SMAD3: variants seen among roughly 807,000 people sequenced by gnomAD.
SMAD3 encodes SMAD family member 3.
In SMAD3, 12 loss-of-function variants were observed where a neutral mutation model predicts 51.8. The ratio of observed to expected loss-of-function variants is 0.23; its 90% CI spans 0.15 to 0.38. The LOEUF (loss-of-function observed/expected upper bound fraction) is 0.38, where lower values mean the gene tolerates loss of function less well. Among genes scored for constraint, SMAD3 ranks in the 10% least tolerant of loss-of-function variants. The probability of loss-of-function intolerance (pLI) is 1.00; values close to 1 mark genes in which losing one functional copy is unlikely to be tolerated. For missense variants in SMAD3, 294 were observed against 565.6 expected (o/e 0.52, Z 4.87); for synonymous variants, 238 against 227.7 (o/e 1.05, Z -0.41).
intron 1 of SMAD3, among the ~76,000 whole-genome samples, chr15:67,074,193 A>G (rs1461351768): frequency 1.3e-5 from 2 of 152,246 alleles, no homozygotes; most frequent in Admixed American, 1.3e-4. Context: ...GTGAAATTTA[A>G]CTACAAAGGA....
chr15:67,119,997 G>A (rs986703776), intron 1 of SMAD3, among the ~76,000 whole-genome samples: 9 of 152,236 alleles, frequency 5.9e-5, no homozygotes, highest in Admixed American at 3.3e-4. Flanking sequence ...GGGTTTCACC[G>A]TGTTGCCCAG....
intron 8 of SMAD3, 27 bp downstream of exon 8, chr15:67,187,536 G>A: frequency 6.2e-7 from 1 of 1,613,954 alleles, no homozygotes; most frequent in Non-Finnish European, 8.5e-7. Context: ...GCCTACATCA[G>A]GGGACCCAAC....
intron 1 of SMAD3, among the ~76,000 whole-genome samples, chr15:67,157,976 C>A (rs1040016222): frequency 1.3e-5 from 2 of 152,102 alleles, no homozygotes; most frequent in African/African-American, 2.4e-5. Flanking sequence ...CATCAGGAAG[C>A]CAGTGGGTGT....
intron 1 of SMAD3, among the ~76,000 whole-genome samples, chr15:67,081,196 C>T (rs1301370515): frequency 6.6e-6 from 1 of 152,134 alleles, no homozygotes; most frequent in East Asian, 1.9e-4. Flanking sequence ...CACAGACACG[C>T]GGAGGCATGT....
chr15:67,122,347 C>G (rs944536707), intron 1 of SMAD3, among the ~76,000 whole-genome samples: 1 of 152,126 alleles, frequency 6.6e-6, no homozygotes, highest in East Asian at 1.9e-4. Flanking sequence ...CCCCCCAGAC[C>G]CTGTCAGCTG....
intron 5 of SMAD3, among the ~76,000 whole-genome samples, chr15:67,172,358 G>A (rs905198920): frequency 1.3e-5 from 2 of 152,212 alleles, no homozygotes; most frequent in Admixed American, 1.3e-4. Flanking sequence ...GATGTGAATC[G>A]GGGGCGAGTC....
intron 4 of SMAD3, 102 bp from the exon 5 acceptor site, chr15:67,170,452 T>C: frequency 1.0e-6 from 1 of 954,118 alleles, no homozygotes; most frequent in Non-Finnish European, 1.7e-6. Context: ...GTTTTCTTTC[T>C]GCTGTGTTGG....
chr15:67,153,327 A>G (rs368228183), intron 1 of SMAD3, among the ~76,000 whole-genome samples: 60 of 152,236 alleles, frequency 3.9e-4, no homozygotes, highest in African/African-American at 1.4e-3. Context: ...CCCCGTCTCT[A>G]CTAAACATGC....
At chr15:67,121,437 C>A (rs1401850365) in intron 1 of SMAD3, among the ~76,000 whole-genome samples, 8 of 152,146 alleles carry the variant, frequency 5.3e-5, no homozygotes, top group African/African-American at 1.7e-4. Context: ...GCACTCCGTT[C>A]TGGGTGGGCA....
rs769683236 is a variant in SMAD3 at position 67,184,734 on chromosome 15, C to T, written c.879C>T (p.Gly293=). The change falls in exon 7 of 9, where the codon GGC becomes GGT. Residue 293 remains glycine (G), a synonymous_variant. Transcript: ENST00000327367. ...TAACCTGAATCTCTGTAGGAAGAGG[C>T]GTGCGGCTCTACTACATCGGAGGGG... The part of the protein sequence containing the change: ...VELTRRHIGR[G]VRLYYIGGEV... The T allele has an allele frequency of 5.1e-5, 83 of 1,613,952 alleles. No homozygotes were observed. The highest frequency in any genetic ancestry group is 6.7e-5 in the Non-Finnish European group (79 of 1,180,038).
chr15:67,117,930 C>CA (rs1961172149), intron 1 of SMAD3, among the ~76,000 whole-genome samples: 1 of 152,006 alleles, frequency 6.6e-6, no homozygotes, highest in Non-Finnish European at 1.5e-5. Context: ...CGTCTCTGCC[C>CA]AAAATACAAA....
At chr15:67,170,694 G>T in intron 5 of SMAD3, 90 bp downstream of exon 5, 1 of 1,134,696 alleles carries the variant, frequency 8.8e-7, no homozygotes. Context: ...TGAAGGTAAG[G>T]CTCTCCCCCG....
intron 1 of SMAD3, among the ~76,000 whole-genome samples, chr15:67,084,450 A>G (rs1960347097): frequency 1.3e-5 from 2 of 152,124 alleles, no homozygotes; most frequent in Non-Finnish European, 1.5e-5. Flanking sequence ...TTCTCAATGC[A>G]TATATTTTCC....
intron 1 of SMAD3, among the ~76,000 whole-genome samples, chr15:67,100,104 C>A (rs1429133233): frequency 6.6e-6 from 1 of 150,676 alleles, no homozygotes; most frequent in Non-Finnish European, 1.5e-5. Context: ...TTGCTTGAAC[C>A]CAGGAGGCAG....
At position 67,099,592 on chromosome 15, in the gene SMAD3, T is replaced by C. The variant is rs1227603953; in HGVS notation, c.206+33232T>C. Among the ~76,000 whole-genome samples, 7 of 152,188 alleles carry C rather than the reference T, an allele frequency of 4.6e-5. No homozygotes were observed. In the South Asian group the frequency reaches 1.4e-3, roughly 31 times the overall value. ...GGAGAACTGGGGGAATATGTAATAC[T>C]TGTGCAGAAATGTTTTGATTCATGT... On this transcript the variant is annotated intron_variant, in intron 1 of 8. Coordinates refer to ENST00000327367, the MANE Select transcript of SMAD3 (RefSeq NM_005902.4).
chr15:67,142,877 T>A (rs139337907), intron 1 of SMAD3: 31 of 454,554 alleles, frequency 6.8e-5, no homozygotes, highest in Middle Eastern at 3.3e-4. Context: ...CATGATCCCA[T>A]GTGCAGGAGA....
At chr15:67,179,508 C>T (rs1962994743) in intron 5 of SMAD3, among the ~76,000 whole-genome samples, 1 of 152,108 alleles carries the variant, frequency 6.6e-6, no homozygotes. Context: ...TCCTAATCCT[C>T]CAGCTGACAC....
Position 67,098,819 on chromosome 15 carries a change from A to AG in SMAD3, c.206+32462dup, listed in dbSNP as rs1566967571. On this transcript the variant is annotated intron_variant, in intron 1 of 8. Transcript: ENST00000327367. Reference sequence around the variant, plus strand: ...CCTACGCATCCCCAGCGGGGGTCTGAGGGCCCACTGTTGCTCAGCTGGGGG... The same window carrying AG: ...CCTACGCATCCCCAGCGGGGGTCTGAGGGGCCCACTGTTGCTCAGCTGGGGG... The AG allele has an allele frequency of 1.3e-4, 90 of 695,442 alleles. No homozygotes were observed. The South Asian group carries it at 1.3e-3, about 10-fold the overall frequency. The allele number at this position is 695,442 out of a possible 1,614,324, so 43.1% of individuals were successfully genotyped here. A position where few individuals can be genotyped will look rare whatever the true frequency, so the allele number is the denominator to read the frequency against.
intron 1 of SMAD3, among the ~76,000 whole-genome samples, chr15:67,144,301 A>G (rs1961915373): frequency 6.6e-6 from 1 of 151,932 alleles, no homozygotes; most frequent in Non-Finnish European, 1.5e-5. Flanking sequence ...TTATTTTCAG[A>G]TTCATCCATC....
Sources: gnomAD v4.1 joint callset for allele counts (sites outside exome capture counted in the v4.1 genomes callset) on GRCh38, gnomAD v4.1.1 for gene constraint, MANE v1.5 for transcripts, NCBI Gene and HGNC (gene_info 2026-07-23, HGNC 2026-07-21) for gene names.